RPN2: variants seen among roughly 807,000 people sequenced by gnomAD.
The protein encoded by RPN2 is ribophorin II, also known as dolichyl-diphosphooligosaccharide--protein glycosyltransferase subunit 2.
Under a neutral mutation model 71.4 loss-of-function variants are expected in RPN2, and 29 were observed. The ratio of observed to expected loss-of-function variants is 0.41; its 90% CI spans 0.30 to 0.55. The LOEUF (loss-of-function observed/expected upper bound fraction) is 0.55, where lower values mean the gene tolerates loss of function less well. Among genes scored for constraint, RPN2 ranks in the 20% least tolerant of loss-of-function variants. The probability of loss-of-function intolerance (pLI) is 0.35; values close to 1 mark genes in which losing one functional copy is unlikely to be tolerated. For synonymous variants in RPN2, 308 were observed against 305.0 expected, an observed-to-expected ratio of 1.01 and a Z score of -0.10; for missense variants, 726 against 774.1, an observed-to-expected ratio of 0.94 and a Z score of 0.74.
chr20:37,184,324 A>G lies in RPN2; in HGVS notation c.158A>G (p.Tyr53Cys). The G allele has an allele frequency of 6.2e-7, 1 of 1,613,958 alleles. No homozygotes were observed. The highest frequency in any genetic ancestry group is 8.5e-7 in the Non-Finnish European group (1 of 1,180,002). ...TTCACAAATTTGGAATCTGCCTTCT[A>G]CTCCATCGTGGGACTCAGCAGCCTT... ...RPFTNLESAF[Y>C]SIVGLSSLGA... The change falls in exon 2 of 17, where the codon TAC becomes TGC. Residue 53 changes from tyrosine (Y) to cysteine (C), a missense_variant. Transcript: ENST00000237530.
intron 2 of RPN2, among the ~76,000 whole-genome samples, chr20:37,190,957 G>A (rs1032862528): frequency 2.6e-5 from 4 of 152,124 alleles, no homozygotes; most frequent in African/African-American, 9.7e-5. Flanking sequence ...TCCGTGTAGC[G>A]GTGCATGTCC....
intron 7 of RPN2, among the ~76,000 whole-genome samples, chr20:37,208,957 C>T (rs991906534): frequency 6.6e-6 from 1 of 152,200 alleles, no homozygotes; most frequent in Admixed American, 6.5e-5. Context: ...CTCATATACC[C>T]TCAACAAAGA....
In RPN2 at chr20:37,207,287, G is replaced by A. The variant is rs769393850; in HGVS notation, c.705G>A (p.Gln235=). ...ATTTCTTTCAGGATCAGGTCATCCA[G>A]CTGATGAACGCGATCTTCAGCAAGA... ...EPSIKEDQVI[Q]LMNAIFSKKN... is the part of the protein sequence containing the mutation. The change falls in exon 7 of 17, where the codon CAG becomes CAA. Residue 235 remains glutamine, a synonymous_variant. Coordinates refer to ENST00000237530, the MANE Select transcript of RPN2 (RefSeq NM_002951.5). The A allele has an allele frequency of 6.2e-7, 1 of 1,613,858 alleles. No individual in the cohort carries two copies. Among genetic ancestry groups the A allele is most frequent in the Non-Finnish European group, 8.5e-7 (1 of 1,179,720 alleles).
intron 7 of RPN2, among the ~76,000 whole-genome samples, chr20:37,208,639 T>C (rs2067579298): frequency 6.6e-6 from 1 of 152,252 alleles, no homozygotes; most frequent in Non-Finnish European, 1.5e-5. Flanking sequence ...TATAGCACAG[T>C]CCTCCCTTTC....
rs765946560 is a variant in RPN2 at position 37,199,242 on chromosome 20, A to G, written c.479+17A>G. 3.7e-6 allele frequency: 6 copies of G among 1,612,278 alleles called. No homozygotes were observed. The highest frequency in any genetic ancestry group is 5.1e-6 in the Non-Finnish European group (6 of 1,179,996). Reference sequence around the variant, plus strand: ...TGTGCTGGCGTGAGTTGTCATCTCGAGCATTTCTCAGGCTTCATTTGTCTC... The same window carrying G: ...TGTGCTGGCGTGAGTTGTCATCTCGGGCATTTCTCAGGCTTCATTTGTCTC... On this transcript the variant is annotated intron_variant, in intron 4 of 16. Coordinates refer to ENST00000237530, the MANE Select transcript of RPN2 (RefSeq NM_002951.5).
chr20:37,225,801 A>G lies in RPN2; in HGVS notation c.1298A>G (p.Gln433Arg). 1.3e-6 allele frequency: 2 copies of G among 1,599,118 alleles called. No individual in the cohort carries two copies. Among genetic ancestry groups the G allele is most frequent in the Non-Finnish European group, 1.7e-6 (2 of 1,166,346 alleles). ...VNTGAELTPH[Q>R]TFVRLHNQKT... The stretch of plus-strand genomic sequence containing the variant: ...ACTGGTGCTGAACTCACTCCTCACC[A>G]GGTCAGGAAGACACCTAGACAGTTC... Residue 433 changes from glutamine (Q) to arginine (R), a missense_variant and splice_region_variant, in exon 11 of 17, where the codon CAG becomes CGG. By Grantham distance (43) the Gln-to-Arg change is conservative. Coordinates refer to ENST00000237530, the MANE Select transcript of RPN2 (RefSeq NM_002951.5).
chr20:37,186,217 G>C (rs1177045905), intron 2 of RPN2, among the ~76,000 whole-genome samples: 1 of 152,232 alleles, frequency 6.6e-6, no homozygotes, highest in Non-Finnish European at 1.5e-5. Flanking sequence ...TGTAAGGTCA[G>C]CTGACTTGGG....
At chr20:37,187,812 T>G (rs2067044738) in intron 2 of RPN2, among the ~76,000 whole-genome samples, 1 of 151,978 alleles carries the variant, frequency 6.6e-6, no homozygotes, top group Admixed American at 6.6e-5. Flanking sequence ...GGCTAATTTT[T>G]TGTATTTTTT....
chr20:37,230,202 C>A, intron 13 of RPN2, 143 bp downstream of exon 13: 1 of 747,234 alleles, frequency 1.3e-6, no homozygotes, highest in Non-Finnish European at 2.4e-6. Flanking sequence ...GGGTAAATGG[C>A]AGCCCCATCC....
At chr20:37,238,782 T>C (rs1187160278) in intron 16 of RPN2, 2 of 583,160 alleles carry the variant, frequency 3.4e-6, no homozygotes, top group South Asian at 2.8e-5. Flanking sequence ...CCAGGACAGC[T>C]GAGATGAGGA....
chr20:37,185,144 C>CT lies in RPN2; in HGVS notation c.207+788dup, dbSNP rs540014605. Among the ~76,000 whole-genome samples the CT allele has an allele frequency of 2.9e-3, 400 of 136,574 alleles. 1 individual carries two copies. The highest frequency in any genetic ancestry group is 7.7e-3 in the Middle Eastern group (2 of 260). 89.6% of individuals were successfully genotyped at this position (136,574 alleles called of 152,430 possible). ...AAACCTTTCCTGGATTCGGGACAGT[C>CT]TTTTTTTTTTTTTTTTTGAGACAGA... On this transcript the variant is annotated intron_variant, in intron 2 of 16. Transcript: ENST00000237530.
chr20:37,213,963 T>C, intron 9 of RPN2, 98 bp downstream of exon 9: 2 of 905,148 alleles, frequency 2.2e-6, no homozygotes, highest in South Asian at 1.4e-5. Flanking sequence ...GACTTTTCTC[T>C]ACAACCAAGC....
In RPN2 at chr20:37,232,310, G is replaced by A; in HGVS notation, c.1596G>A (p.Glu532=). The A allele has an allele frequency of 1.9e-6, 3 of 1,614,192 alleles. No individual in the cohort carries two copies. The highest frequency in any genetic ancestry group is 2.5e-6 in the Non-Finnish European group (3 of 1,180,024). The change falls in exon 14 of 17, where the codon GAG becomes GAA. Residue 532 remains glutamate, a synonymous_variant. Coordinates refer to ENST00000237530, the MANE Select transcript of RPN2 (RefSeq NM_002951.5). ...TCTTTCGGCAGCACCTGTTCCGCGA[G>A]CCTGAGAAGAGGCCCCCCACCGTGG... is the stretch of plus-strand genomic sequence containing the variant. The part of the protein sequence containing the change: ...PKQEIQHLFR[E]PEKRPPTVVS...
chr20:37,198,344 C>T (rs1372690656), intron 2 of RPN2, 53 bp from the exon 3 acceptor site: 3 of 1,613,850 alleles, frequency 1.9e-6, no homozygotes, highest in Admixed American at 1.7e-5. Context: ...CTTTGCTTTT[C>T]CTGGTTCACT....
rs148915786 is a variant in RPN2, at chr20:37,236,867, A to C, written c.1883+158A>C. ...AGTACAGAAGCCAGAAGCACTTTGA[A>C]GTCAGAAAAGAGCCTTAGTGGTCAG... On this transcript the variant is annotated intron_variant, in intron 16 of 16. Coordinates refer to ENST00000237530, the MANE Select transcript of RPN2 (RefSeq NM_002951.5). Among the ~76,000 whole-genome samples, 14 of 152,364 alleles carry C rather than the reference A, an allele frequency of 9.2e-5. No homozygotes were observed. In the East Asian group the frequency reaches 1.2e-3, roughly 13 times the overall value.
intron 1 of RPN2, 124 bp downstream of exon 1, chr20:37,179,493 T>G: frequency 7.1e-5 from 92 of 1,297,354 alleles, no homozygotes; most frequent in East Asian, 4.3e-4. Context: ...GCACAAGCTC[T>G]GGCTGGGGCG....
chr20:37,204,503 A>C (rs1260468886), intron 5 of RPN2, among the ~76,000 whole-genome samples: 2 of 151,784 alleles, frequency 1.3e-5, no homozygotes, highest in African/African-American at 4.8e-5. Context: ...CTGTGCCATG[A>C]CTCCTGGGCT....
At chr20:37,198,980 G>C in intron 3 of RPN2, 70 bp from the exon 4 acceptor site, 1 of 1,282,906 alleles carries the variant, frequency 7.8e-7, no homozygotes, top group Non-Finnish European at 1.1e-6. Context: ...TCCGCATTCT[G>C]TCTTTGCCAT....
intron 12 of RPN2, 122 bp downstream of exon 12, chr20:37,228,866 T>C: frequency 2.2e-6 from 2 of 908,280 alleles, no homozygotes; most frequent in South Asian, 2.8e-5. Context: ...TAAATAAGCT[T>C]GGGAGGTGAG....
Sources: gnomAD v4.1 joint callset for allele counts (sites outside exome capture counted in the v4.1 genomes callset) on GRCh38, gnomAD v4.1.1 for gene constraint, MANE v1.5 for transcripts, NCBI Gene and HGNC (gene_info 2026-07-23, HGNC 2026-07-21) for gene names.